BRD7: variants seen among roughly 807,000 people sequenced by gnomAD.
BRD7 encodes the protein bromodomain containing 7, also known as bromodomain-containing protein 7.
In BRD7, 15 loss-of-function variants were observed where a neutral mutation model predicts 82.1. The observed-to-expected ratio is 0.18, with a 90% confidence interval of 0.12 to 0.28. The LOEUF (loss-of-function observed/expected upper bound fraction) is 0.28, where lower values mean the gene tolerates loss of function less well. Ranked by LOEUF, BRD7 falls within the 10% of genes least tolerant of loss-of-function variation. The probability of loss-of-function intolerance (pLI) is 1.00; values close to 1 mark genes in which losing one functional copy is unlikely to be tolerated. For missense variants in BRD7, 638 were observed against 779.9 expected (o/e 0.82, Z 2.17); for synonymous variants, 232 against 266.9 (o/e 0.87, Z 1.27).
chr16:50,349,822 A>C (rs2038446668), intron 5 of BRD7, among the ~76,000 whole-genome samples: 1 of 152,238 alleles, frequency 6.6e-6, no homozygotes, highest in African/African-American at 2.4e-5. Context: ...AATAATTATG[A>C]ATGAAAGATA....
At chr16:50,320,619 C>T in intron 14 of BRD7, 44 bp downstream of exon 14, 1 of 1,475,466 alleles carries the variant, frequency 6.8e-7, no homozygotes, top group Non-Finnish European at 9.5e-7. Context: ...TCTTGACTGC[C>T]TACATCATGC....
At chr16:50,349,668 A>G (rs749994794) in intron 5 of BRD7, 13 of 463,372 alleles carry the variant, frequency 2.8e-5, no homozygotes, top group Middle Eastern at 3.3e-4. Flanking sequence ...TGCATATCTC[A>G]TATGTCTAGA....
chr16:50,361,252 G>T (rs912964762), intron 2 of BRD7, among the ~76,000 whole-genome samples: 8 of 152,106 alleles, frequency 5.3e-5, no homozygotes, highest in Non-Finnish European at 1.5e-5. Flanking sequence ...AATAAAATAG[G>T]TACTTACTGG....
Position 50,318,585 on chromosome 16 carries a change from A to C in BRD7, c.*626T>G, listed in dbSNP as rs1340733070. ...TTGTATTTCAGATAAACAGTAAGTA[A>C]AGTAGAAATGTCACCTTTTGGTAAT... is the stretch of plus-strand genomic sequence containing the variant. On this transcript the variant is annotated 3_prime_UTR_variant, in exon 17 of 17. Transcript: ENST00000394688. 1.3e-5 allele frequency: 2 copies of C among 152,252 alleles called. No homozygotes were observed. The highest frequency in any genetic ancestry group is 2.9e-5 in the Non-Finnish European group (2 of 68,058). 9.4% of individuals were successfully genotyped at this position (152,252 alleles called of 1,614,324 possible).
rs564364883 is a variant in BRD7, at chr16:50,330,874, T to C, written c.1012-2130A>G. Among the ~76,000 whole-genome samples the C allele has an allele frequency of 4.6e-5, 7 of 151,968 alleles. No individual in the cohort carries two copies. In the South Asian group the frequency reaches 1.5e-3, roughly 32 times the overall value. On this transcript the variant is annotated intron_variant, in intron 8 of 16. Coordinates refer to ENST00000394688, the MANE Select transcript of BRD7 (RefSeq NM_013263.5). ...ATTAAGTAATCTTAGGGTTTTCACTTGAAATTAGGGTTACTAAAAGTTAAA... is the reference window on the plus strand; with the variant it reads ...ATTAAGTAATCTTAGGGTTTTCACTCGAAATTAGGGTTACTAAAAGTTAAA...
chr16:50,350,766 A>C (rs1267213984), intron 4 of BRD7, among the ~76,000 whole-genome samples: 2 of 152,192 alleles, frequency 1.3e-5, no homozygotes, highest in Non-Finnish European at 2.9e-5. Flanking sequence ...CAAATTTGAA[A>C]ACTAGTGCTT....
rs912539677 is a variant in BRD7 at position 50,318,473 on chromosome 16, T to C, written c.*738A>G. The C allele has an allele frequency of 6.6e-6, 1 of 152,178 alleles. No homozygotes were observed. Among genetic ancestry groups the C allele is most frequent in the African/African-American group, 2.4e-5 (1 of 41,446 alleles). 9.4% of individuals were successfully genotyped at this position (152,178 alleles called of 1,614,324 possible). A position where few individuals can be genotyped will look rare whatever the true frequency, so the allele number is the denominator to read the frequency against. On this transcript the variant is annotated 3_prime_UTR_variant, in exon 17 of 17. Coordinates refer to ENST00000394688, the MANE Select transcript of BRD7 (RefSeq NM_013263.5). ...CAGGTTCTATACCGATTCAGCAAAA[T>C]CACCATTTATCTCAGCTTGCTGATA...
At chr16:50,335,191 T>C (rs1199074874) in intron 6 of BRD7, among the ~76,000 whole-genome samples, 1 of 152,242 alleles carries the variant, frequency 6.6e-6, no homozygotes, top group African/African-American at 2.4e-5. Flanking sequence ...AAGTACTGAA[T>C]TGGAAGACTA....
At chr16:50,327,584 C>T (rs1247480537) in intron 9 of BRD7, among the ~76,000 whole-genome samples, 2 of 152,174 alleles carry the variant, frequency 1.3e-5, no homozygotes, top group African/African-American at 4.8e-5. Context: ...CCCCTTCTTT[C>T]CATCTTCAAA....
Position 50,318,896 on chromosome 16 carries a change from C to A in BRD7, c.*315G>T. 4.0e-6 allele frequency: 1 copy of A among 252,138 alleles called. No homozygotes were observed. Among genetic ancestry groups the A allele is most frequent in the Admixed American group, 5.4e-5 (1 of 18,368 alleles). The allele number at this position is 252,138 out of a possible 1,614,324, so 15.6% of individuals were successfully genotyped here. ...AGTATGTTCGTATAACGGAAAATCT[C>A]ACTGGATGGGGCCGTTTTAAGAACG... On this transcript the variant is annotated 3_prime_UTR_variant, in exon 17 of 17. Coordinates refer to ENST00000394688, the MANE Select transcript of BRD7 (RefSeq NM_013263.5).
intron 6 of BRD7, 29 bp downstream of exon 6, chr16:50,339,947 T>C: frequency 7.4e-7 from 1 of 1,351,138 alleles, no homozygotes; most frequent in Non-Finnish European, 1.0e-6. Context: ...TTTTAATAAC[T>C]ATTATTTATG....
intron 5 of BRD7, among the ~76,000 whole-genome samples, chr16:50,345,059 C>T (rs2038225921): frequency 6.6e-6 from 1 of 152,226 alleles, no homozygotes; most frequent in African/African-American, 2.4e-5. Context: ...ATCAGACTAA[C>T]AGCAGATCTC....
At chr16:50,327,200 C>T (rs905148247) in intron 9 of BRD7, among the ~76,000 whole-genome samples, 1 of 152,158 alleles carries the variant, frequency 6.6e-6, no homozygotes, top group Non-Finnish European at 1.5e-5. Flanking sequence ...GTGTCTTCTA[C>T]CTTAAACCAT....
chr16:50,320,715 C>T lies in BRD7; in HGVS notation c.1560G>A (p.Ala520=), dbSNP rs751140715. 12 of 1,614,036 alleles carry T rather than the reference C, an allele frequency of 7.4e-6. No individual in the cohort carries two copies. In the South Asian group the frequency reaches 9.9e-5, roughly 13 times the overall value. The change falls in exon 14 of 17, where the codon GCG becomes GCA. Residue 520 remains alanine (A), a synonymous_variant. Transcript: ENST00000394688. ...LDSSTQDRLI[A]LKAVTNFGVP... ...CGCCAAAATTTGTTACTGCTTTCAG[C>T]GCTATGAGCCTGTCTTGAGTACTGG...
At position 50,364,069 on chromosome 16, in the gene BRD7, GA is replaced by G. The variant is rs752041952; in HGVS notation, c.258+4020del. Among the ~76,000 whole-genome samples, 1,158 of 125,620 alleles carry G rather than the reference GA, an allele frequency of 9.2e-3. 12 individuals are homozygous for G. The highest frequency in any genetic ancestry group is 0.026 in the African/African-American group (899 of 34,690). 82.4% of individuals were successfully genotyped at this position (125,620 alleles called of 152,430 possible). On this transcript the variant is annotated intron_variant, in intron 2 of 16. Coordinates refer to ENST00000394688, the MANE Select transcript of BRD7 (RefSeq NM_013263.5). Reference sequence around the variant, plus strand: ...CAACATGGGATCCTATCTCAAAAAGGAAAAAAAAAAAAAAGACAACATTTTC... The same window carrying G: ...CAACATGGGATCCTATCTCAAAAAGGAAAAAAAAAAAAAGACAACATTTTC...
In BRD7 at chr16:50,320,629, C is replaced by T. The variant is rs2037058469; in HGVS notation, c.1612+34G>A. The T allele has an allele frequency of 3.3e-6, 5 of 1,510,366 alleles. No individual in the cohort carries two copies. In the East Asian group the frequency reaches 1.1e-4, roughly 34 times the overall value. The allele number at this position is 1,510,366 out of a possible 1,614,324, so 93.6% of individuals were successfully genotyped here. A position where few individuals can be genotyped will look rare whatever the true frequency, so the allele number is the denominator to read the frequency against. ...TGAAATCTTGACTGCCTACATCATG[C>T]AGTGTTTCAATCAAACCCTCTGGAG... On this transcript the variant is annotated intron_variant, in intron 14 of 16. Transcript: ENST00000394688.
At chr16:50,356,739 TACACAC>T (rs749145071) in intron 2 of BRD7, among the ~76,000 whole-genome samples, 2 of 148,692 alleles carry the variant, frequency 1.3e-5, no homozygotes, top group East Asian at 3.9e-4. Context: ...TATATATATA[TACACAC>T]ACACACACAC....
chr16:50,357,114 T>C (rs573330116), intron 2 of BRD7, among the ~76,000 whole-genome samples: 9 of 152,206 alleles, frequency 5.9e-5, no homozygotes, highest in Non-Finnish European at 8.8e-5. Context: ...TGCATTAGAA[T>C]CACCTGAAGG....
chr16:50,362,276 T>G (rs1173210303), intron 2 of BRD7, among the ~76,000 whole-genome samples: 1 of 152,130 alleles, frequency 6.6e-6, no homozygotes, highest in African/African-American at 2.4e-5. Context: ...TGGGCAGAGG[T>G]TGGTGCCTAC....
Sources: allele counts gnomAD v4.1 joint callset (sites outside exome capture counted in the v4.1 genomes callset), GRCh38; gene constraint gnomAD v4.1.1; transcripts MANE v1.5; gene names NCBI Gene and HGNC (gene_info 2026-07-23, HGNC 2026-07-21).